The following DNER variants were observed in gnomAD, a reference collection of about 807,000 sequenced individuals.
DNER encodes the protein delta and Notch-like epidermal growth factor-related receptor.
Under a neutral mutation model 78.2 loss-of-function variants are expected in DNER, and 33 were observed. The observed-to-expected ratio is 0.42, with a 90% confidence interval of 0.32 to 0.56. The LOEUF is 0.56. DNER is among the 20% of genes least tolerant of loss of function. The pLI is 0.11. For synonymous variants in DNER, 417 were observed against 384.8 expected, an observed-to-expected ratio of 1.08 and a Z score of -0.98; for missense variants, 918 against 975.3, an observed-to-expected ratio of 0.94 and a Z score of 0.78.
At position 229,514,991 on chromosome 2, in the gene DNER, G is replaced by A. The variant is rs186186100; in HGVS notation, c.994-2055C>T. Among the ~76,000 whole-genome samples the A allele has an allele frequency of 1.4e-4, 22 of 152,264 alleles. 1 individual carries two copies. The East Asian group carries it at 4.2e-3, about 29-fold the overall frequency. ...TTAGTTTAATAATACATTCTTCAATGATATCTTAGAAGCTAAAACAATTAT... is the reference window on the plus strand; with the variant it reads ...TTAGTTTAATAATACATTCTTCAATAATATCTTAGAAGCTAAAACAATTAT... On this transcript the variant is annotated intron_variant, in intron 5 of 12. Transcript: ENST00000341772.
chr2:229,516,800 A>AAAAAAAAAG (rs1553536934), intron 5 of DNER, among the ~76,000 whole-genome samples: 2 of 131,234 alleles, frequency 1.5e-5, no homozygotes, highest in Non-Finnish European at 3.1e-5. Flanking sequence ...AAAAAAAAAA[A>AAAAAAAAAG]AAAAGAAAAG....
intron 8 of DNER, among the ~76,000 whole-genome samples, chr2:229,434,153 CG>C (rs979732999): frequency 6.6e-6 from 1 of 152,170 alleles, no homozygotes; most frequent in Non-Finnish European, 1.5e-5. Context: ...TTTTGGTACA[CG>C]GAGTCCACAA....
At chr2:229,673,410 T>C (rs945361328) in intron 1 of DNER, among the ~76,000 whole-genome samples, 2 of 152,174 alleles carry the variant, frequency 1.3e-5, no homozygotes, top group African/African-American at 2.4e-5. Context: ...TCCACAGGCT[T>C]TTGGACTTGC....
chr2:229,366,953 C>T lies in DNER; in HGVS notation c.2022G>A (p.Arg674=). The T allele has an allele frequency of 6.2e-7, 1 of 1,614,152 alleles. No individual in the cohort carries two copies. The highest frequency in any genetic ancestry group is 8.5e-7 in the Non-Finnish European group (1 of 1,180,010). ...ISRIEYQGSS[R]PAYEEFYNCR... ...AGTTGTAGAACTCCTCATAGGCTGG[C>T]CTGGAAGAACCCTGGTATTCAATGC... The change falls in exon 12 of 13, where the codon AGG becomes AGA. Residue 674 remains arginine (R), a synonymous_variant. Transcript: ENST00000341772.
intron 1 of DNER, among the ~76,000 whole-genome samples, chr2:229,622,369 CA>C (rs1559185868): frequency 1.3e-5 from 2 of 152,168 alleles, no homozygotes; most frequent in Non-Finnish European, 2.9e-5. Context: ...AGGCCAGACA[CA>C]AAACCCTCAA....
chr2:229,526,330 TATC>T (rs1175264081), intron 5 of DNER, among the ~76,000 whole-genome samples: 17 of 152,220 alleles, frequency 1.1e-4, no homozygotes, highest in African/African-American at 4.1e-4. Flanking sequence ...TGGGTTAACG[TATC>T]ATATTTTAAC....
At chr2:229,668,680 A>G (rs1699153451) in intron 1 of DNER, among the ~76,000 whole-genome samples, 1 of 150,750 alleles carries the variant, frequency 6.6e-6, no homozygotes, top group African/African-American at 2.4e-5. Flanking sequence ...ATACCATCTC[A>G]TGCCAGTTAG....
chr2:229,574,373 T>C (rs1270286645), intron 4 of DNER, among the ~76,000 whole-genome samples: 1 of 152,098 alleles, frequency 6.6e-6, no homozygotes, highest in Non-Finnish European at 1.5e-5. Context: ...CTATTGATAA[T>C]AAATTATAGT....
At chr2:229,383,846 A>C (rs1170521592) in intron 11 of DNER, among the ~76,000 whole-genome samples, 1 of 152,202 alleles carries the variant, frequency 6.6e-6, no homozygotes, top group Non-Finnish European at 1.5e-5. Flanking sequence ...TATTAGACAG[A>C]TCCACGAGAC....
intron 1 of DNER, among the ~76,000 whole-genome samples, chr2:229,600,960 G>C (rs1012567445): frequency 3.3e-5 from 5 of 152,156 alleles, no homozygotes; most frequent in African/African-American, 1.2e-4. Flanking sequence ...AGGGTTACTG[G>C]AGAAATTAGA....
At chr2:229,491,769 C>A (rs1247478512) in intron 6 of DNER, among the ~76,000 whole-genome samples, 1 of 152,178 alleles carries the variant, frequency 6.6e-6, no homozygotes, top group South Asian at 2.1e-4. Flanking sequence ...TCTCCTTCCC[C>A]TGTAGTTCAA....
At chr2:229,384,597 G>A (rs1158943971) in intron 11 of DNER, among the ~76,000 whole-genome samples, 2 of 152,130 alleles carry the variant, frequency 1.3e-5, no homozygotes, top group Non-Finnish European at 2.9e-5. Flanking sequence ...TGATCTGATA[G>A]AAATACAAAC....
intron 1 of DNER, among the ~76,000 whole-genome samples, chr2:229,629,113 C>A (rs1698393612): frequency 6.6e-6 from 1 of 152,198 alleles, no homozygotes; most frequent in African/African-American, 2.4e-5. Context: ...GATTGCCATA[C>A]CAAATTTGCC....
At chr2:229,486,430 GA>G (rs1439461727) in intron 6 of DNER, among the ~76,000 whole-genome samples, 6 of 152,138 alleles carry the variant, frequency 3.9e-5, no homozygotes, top group Non-Finnish European at 8.8e-5. Context: ...CAACATTGGG[GA>G]AAAAAGTAAC....
chr2:229,477,273 C>T lies in DNER; in HGVS notation c.1148-20G>A, dbSNP rs780645074. On this transcript the variant is annotated intron_variant, in intron 6 of 12. Coordinates refer to ENST00000341772, the MANE Select transcript of DNER (RefSeq NM_139072.4). ...TATAACCTGAATAAAACAAAATGTA[C>T]ATTTTATAAAATAAGCTCTTCCAGA... The T allele has an allele frequency of 4.7e-5, 75 of 1,583,070 alleles. No individual in the cohort carries two copies. Among genetic ancestry groups the T allele is most frequent in the Admixed American group, 3.4e-4 (20 of 58,580 alleles).
At position 229,414,926 on chromosome 2, in the gene DNER, G is replaced by C. The variant is rs969988894; in HGVS notation, c.1609+3182C>G. 3.9e-4 allele frequency among the ~76,000 whole-genome samples: 60 copies of C among 152,268 alleles called. 1 individual carries two copies. Among genetic ancestry groups the C allele is most frequent in the African/African-American group, 1.3e-3 (55 of 41,562 alleles). On this transcript the variant is annotated intron_variant, in intron 9 of 12. Transcript: ENST00000341772. Reference sequence around the variant, plus strand: ...GTCTGCAATCCCAGCACTTCGGGAGGCCAAGACAGGTGGATCACCTGAGGT... The same window carrying C: ...GTCTGCAATCCCAGCACTTCGGGAGCCCAAGACAGGTGGATCACCTGAGGT...
intron 4 of DNER, among the ~76,000 whole-genome samples, chr2:229,584,548 C>T (rs1484208462): frequency 6.6e-6 from 1 of 152,142 alleles, no homozygotes; most frequent in Non-Finnish European, 1.5e-5. Context: ...GAAAGGTGAT[C>T]CTCTGGGAAC....
chr2:229,514,949 G>A (rs1001825951), intron 5 of DNER, among the ~76,000 whole-genome samples: 2 of 152,198 alleles, frequency 1.3e-5, no homozygotes, highest in African/African-American at 4.8e-5. Context: ...CTTGTAATCT[G>A]CATAATCAAG....
At chr2:229,523,358 C>T (rs79680933) in intron 5 of DNER, among the ~76,000 whole-genome samples, 4,322 of 152,282 alleles carry the variant, frequency 0.028, 205 homozygotes, top group African/African-American at 0.097. Flanking sequence ...TCTTTCTCAT[C>T]GCTCTGGAGG....
Sources: allele counts gnomAD v4.1 joint callset (sites outside exome capture counted in the v4.1 genomes callset), GRCh38; gene constraint gnomAD v4.1.1; transcripts MANE v1.5; gene names NCBI Gene and HGNC (gene_info 2026-07-23, HGNC 2026-07-21).